The following ARHGAP15 variants were observed in gnomAD, a reference collection of about 807,000 sequenced individuals.
The protein encoded by ARHGAP15 is rho GTPase-activating protein 15.
A neutral mutation model predicts 63.7 loss-of-function variants in ARHGAP15; 51 were observed. The ratio of observed to expected loss-of-function variants is 0.80; its 90% CI spans 0.64 to 1.01. The LOEUF is 1.01. Among genes scored for constraint, ARHGAP15 ranks in the 50% least tolerant of loss-of-function variants. The pLI is 0.00. For missense variants in ARHGAP15, 560 were observed against 564.6 expected (o/e 0.99, Z 0.08); for synonymous variants, 191 against 193.8 (o/e 0.99, Z 0.12).
At chr2:143,467,394 A>C (rs1324564057) in intron 8 of ARHGAP15, among the ~76,000 whole-genome samples, 1 of 152,008 alleles carries the variant, frequency 6.6e-6, no homozygotes, top group African/African-American at 2.4e-5. Context: ...CATTTTAAGT[A>C]CTTGTTAGAC....
chr2:143,265,689 T>C (rs544577182), intron 6 of ARHGAP15, among the ~76,000 whole-genome samples: 2 of 152,288 alleles, frequency 1.3e-5, no homozygotes, highest in East Asian at 3.9e-4. Flanking sequence ...ATGATACTTA[T>C]CTGGGTAAGG....
chr2:143,686,586 AT>A (rs1340365069), intron 12 of ARHGAP15, among the ~76,000 whole-genome samples: 1 of 152,074 alleles, frequency 6.6e-6, no homozygotes, highest in African/African-American at 2.4e-5. Context: ...AAAAGTGAAA[AT>A]TAAATGACTG....
At chr2:143,515,022 G>A (rs1306381558) in intron 9 of ARHGAP15, among the ~76,000 whole-genome samples, 3 of 152,158 alleles carry the variant, frequency 2.0e-5, no homozygotes, top group Non-Finnish European at 4.4e-5. Context: ...CCATGGCAAA[G>A]GAGGTGAATG....
In ARHGAP15 at chr2:143,624,332, TA is replaced by T. The variant is rs1334601422; in HGVS notation, c.1138+67del. 4.0e-6 allele frequency: 6 copies of T among 1,492,228 alleles called. No homozygotes were observed. In the East Asian group the frequency reaches 1.4e-4, roughly 36 times the overall value. The allele number at this position is 1,492,228 out of a possible 1,614,324, so 92.4% of individuals were successfully genotyped here. ...TGACATCCTGGAATTATTAAGTAAA[TA>T]ATAAGAATGATTATAATAATAATCA... is the stretch of plus-strand genomic sequence containing the variant. On this transcript the variant is annotated intron_variant, in intron 12 of 13. Coordinates refer to ENST00000295095, the MANE Select transcript of ARHGAP15 (RefSeq NM_018460.4).
chr2:143,400,489 G>A (rs1362836291), intron 6 of ARHGAP15, among the ~76,000 whole-genome samples: 2 of 151,872 alleles, frequency 1.3e-5, no homozygotes, highest in Non-Finnish European at 2.9e-5. Flanking sequence ...GTAATTAAGT[G>A]CCCTGAGATC....
chr2:143,616,492 A>G (rs368407788), intron 11 of ARHGAP15, among the ~76,000 whole-genome samples: 3 of 152,204 alleles, frequency 2.0e-5, no homozygotes, highest in African/African-American at 7.2e-5. Context: ...ATTTCCAAAG[A>G]TATGCACAAA....
At chr2:143,244,514 TG>T (rs1693973905) in intron 5 of ARHGAP15, among the ~76,000 whole-genome samples, 1 of 152,202 alleles carries the variant, frequency 6.6e-6, no homozygotes, top group Non-Finnish European at 1.5e-5. Context: ...ATGAAAAGAA[TG>T]AATGCATACT....
chr2:143,295,437 A>T (rs1333573264), intron 6 of ARHGAP15: 3 of 152,006 alleles, frequency 2.0e-5, no homozygotes, highest in African/African-American at 7.2e-5. Flanking sequence ...AGGAGAAGAG[A>T]CCCTAAAATG....
chr2:143,594,934 C>A (rs1352430158), intron 11 of ARHGAP15, among the ~76,000 whole-genome samples: 1 of 152,094 alleles, frequency 6.6e-6, no homozygotes. Context: ...TCTATAATCA[C>A]CCCCTGCTTA....
At chr2:143,668,933 A>C (rs929317014) in intron 12 of ARHGAP15, among the ~76,000 whole-genome samples, 2 of 152,210 alleles carry the variant, frequency 1.3e-5, no homozygotes, top group African/African-American at 4.8e-5. Flanking sequence ...TTTAGAGGTA[A>C]AATATAATTT....
At chr2:143,599,334 A>C (rs1401819134) in intron 11 of ARHGAP15, among the ~76,000 whole-genome samples, 1 of 152,210 alleles carries the variant, frequency 6.6e-6, no homozygotes, top group African/African-American at 2.4e-5. Context: ...TGCTGTCCAT[A>C]GATGAGAGCC....
intron 8 of ARHGAP15, among the ~76,000 whole-genome samples, chr2:143,453,899 G>A (rs1690524707): frequency 1.3e-5 from 2 of 152,074 alleles, no homozygotes; most frequent in Admixed American, 6.6e-5. Context: ...TCAGAAGGGA[G>A]CAGAAAACTC....
intron 12 of ARHGAP15, among the ~76,000 whole-genome samples, chr2:143,645,209 A>G (rs1680811436): frequency 2.6e-5 from 4 of 152,104 alleles, no homozygotes; most frequent in Admixed American, 2.0e-4. Context: ...TTTAAAGTAA[A>G]ATCTTTAAAG....
chr2:143,595,725 A>T (rs960969316), intron 11 of ARHGAP15, among the ~76,000 whole-genome samples: 5 of 152,058 alleles, frequency 3.3e-5, no homozygotes, highest in African/African-American at 1.2e-4. Flanking sequence ...TTGCCCACTC[A>T]TCCTTTCTTG....
intron 6 of ARHGAP15, among the ~76,000 whole-genome samples, chr2:143,282,428 A>AGAG (rs1681896271): frequency 1.3e-5 from 2 of 152,050 alleles, no homozygotes; most frequent in African/African-American, 4.8e-5. Flanking sequence ...CAGAAAGCAA[A>AGAG]GAGGAGCAAG....
chr2:143,147,613 C>G (rs1221020093), intron 1 of ARHGAP15, among the ~76,000 whole-genome samples: 1 of 151,976 alleles, frequency 6.6e-6, no homozygotes, highest in Non-Finnish European at 1.5e-5. Flanking sequence ...CTAATCTTAA[C>G]TTTATTTTCC....
chr2:143,508,320 G>A (rs2104951367), intron 9 of ARHGAP15, among the ~76,000 whole-genome samples: 1 of 152,274 alleles, frequency 6.6e-6, no homozygotes, highest in South Asian at 2.1e-4. Flanking sequence ...AGATGCCATT[G>A]CCTGAGATGC....
chr2:143,562,983 T>C (rs1696089994), intron 11 of ARHGAP15, among the ~76,000 whole-genome samples: 1 of 152,196 alleles, frequency 6.6e-6, no homozygotes, highest in Non-Finnish European at 1.5e-5. Flanking sequence ...GATTGTATTT[T>C]CTAATTCATT....
chr2:143,746,866 T>C (rs1353217428), intron 13 of ARHGAP15, among the ~76,000 whole-genome samples: 2 of 152,216 alleles, frequency 1.3e-5, no homozygotes, highest in East Asian at 1.9e-4. Context: ...AGTAGCATGA[T>C]TGGCATAAAT....
Sources: gnomAD v4.1 joint callset for allele counts (sites outside exome capture counted in the v4.1 genomes callset) on GRCh38, gnomAD v4.1.1 for gene constraint, MANE v1.5 for transcripts, NCBI Gene and HGNC (gene_info 2026-07-23, HGNC 2026-07-21) for gene names.